Variants in CFAP73 observed in about 807,000 individuals in gnomAD.
The protein encoded by CFAP73 is cilia and flagella associated protein 73, also known as cilia- and flagella-associated protein 73.
A neutral mutation model predicts 42.9 loss-of-function variants in CFAP73; 33 were observed. That is an observed-to-expected ratio of 0.77 (90% CI 0.58 to 1.03). CFAP73 has a LOEUF of 1.03. Ranked by LOEUF, CFAP73 falls within the 50% of genes least tolerant of loss-of-function variation. The pLI is 0.00. For missense variants in CFAP73, 392 were observed against 411.9 expected (o/e 0.95, Z 0.42); for synonymous variants, 162 against 186.8 (o/e 0.87, Z 1.08).
chr12:113,153,518 T>C, intron 4 of CFAP73, 110 bp downstream of exon 4: 1 of 861,574 alleles, frequency 1.2e-6, no homozygotes, highest in Non-Finnish European at 1.6e-6. Context: ...CTGGAGATCT[T>C]GGCATGCATG....
In CFAP73 at chr12:113,159,006, C is replaced by T; in HGVS notation, c.*317C>T. 6.2e-7 allele frequency: 1 copy of T among 1,611,752 alleles called. No homozygotes were observed. Among genetic ancestry groups the T allele is most frequent in the South Asian group, 1.1e-5 (1 of 90,708 alleles). On this transcript the variant is annotated 3_prime_UTR_variant, in exon 8 of 8. Coordinates refer to ENST00000335621, the MANE Select transcript of CFAP73 (RefSeq NM_001144872.3). ...TGAGGCCACCACGCTGCAGGAAGTG[C>T]AGCTTCTGGGCCCGGCGCCGCTGCT... is the stretch of plus-strand genomic sequence containing the variant.
chr12:113,158,917 C>G lies in CFAP73; in HGVS notation c.*228C>G. The G allele has an allele frequency of 6.2e-7, 1 of 1,608,664 alleles. No individual in the cohort carries two copies. The highest frequency in any genetic ancestry group is 8.5e-7 in the Non-Finnish European group (1 of 1,176,234). Reference sequence around the variant, plus strand: ...CATCTTGCCCTTCTTGGAGCGGGCACCCCGGCCGAAGGCGCCCTGCTGCAG... The same window carrying G: ...CATCTTGCCCTTCTTGGAGCGGGCAGCCCGGCCGAAGGCGCCCTGCTGCAG... On this transcript the variant is annotated 3_prime_UTR_variant, in exon 8 of 8. Transcript: ENST00000335621. The surrounding 1 kb of genome is among the most constrained non-coding windows in gnomAD (Gnocchi z 4.9).
rs1479786237 is a variant in CFAP73 at position 113,158,401 on chromosome 12, G to C, written c.*12-300G>C. The C allele has an allele frequency of 6.5e-6, 1 of 154,768 alleles. No individual in the cohort carries two copies. Among genetic ancestry groups the C allele is most frequent in the Non-Finnish European group, 1.4e-5 (1 of 69,956 alleles). The allele number at this position is 154,768 out of a possible 1,614,324, so 9.6% of individuals were successfully genotyped here. ...AAGGCAGCAGAACTCACCCTCAGGA[G>C]ACCCGCAACTCCTCTGCCACGTTAG... On this transcript the variant is annotated intron_variant, in intron 7 of 7. Transcript: ENST00000335621. This position sits in a 1 kb window ranked among gnomAD's most constrained non-coding sequence, Gnocchi z 4.9.
chr12:113,154,447 G>T lies in CFAP73; in HGVS notation c.502G>T (p.Asp168Tyr). The T allele has an allele frequency of 3.9e-6, 6 of 1,547,306 alleles. No homozygotes were observed. The highest frequency in any genetic ancestry group is 1.7e-4 in the Middle Eastern group (1 of 5,892). The change falls in exon 5 of 8, where the codon GAC becomes TAC. Residue 168 changes from aspartate to tyrosine, a missense_variant. By Grantham distance (160) the Asp-to-Tyr change is radical. Coordinates refer to ENST00000335621, the MANE Select transcript of CFAP73 (RefSeq NM_001144872.3). This position sits in a 1 kb window ranked among gnomAD's most constrained non-coding sequence, Gnocchi z 4.7. Reference sequence around the variant, plus strand: ...GGTTCCGGAGCTGGTGGCGCGCTTCGACGGCCTGGCCGAGACGCAGGCGGC... The same window carrying T: ...GGTTCCGGAGCTGGTGGCGCGCTTCTACGGCCTGGCCGAGACGCAGGCGGC... ...QEVPELVARF[D>Y]GLAETQAALR...
chr12:113,155,201 A>G, intron 5 of CFAP73, 59 bp from the exon 6 acceptor site: 3 of 1,379,946 alleles, frequency 2.2e-6, no homozygotes. Context: ...GGCTGGGAAG[A>G]GGGGGCAGCC....
intron 1 of CFAP73, 73 bp from the exon 2 acceptor site, chr12:113,151,845 C>T: frequency 9.3e-7 from 1 of 1,076,666 alleles, no homozygotes; most frequent in Non-Finnish European, 1.4e-6. Context: ...TGGGGCACTC[C>T]AGACACAGTG....
chr12:113,153,219 C>A lies in CFAP73; in HGVS notation c.279C>A (p.Ala93=). The change falls in exon 4 of 8, where the codon GCC becomes GCA. Residue 93 remains alanine (A), a synonymous_variant. Coordinates refer to ENST00000335621, the MANE Select transcript of CFAP73 (RefSeq NM_001144872.3). The part of the protein sequence containing the change: ...RFDKFLQDSE[A]RRNRALRRAA... ...ACCGTACTCCCCAGGACTCCGAGGC[C>A]CGGCGCAATCGCGCGCTGCGGAGGG... The A allele has an allele frequency of 6.6e-7, 1 of 1,518,614 alleles. No individual in the cohort carries two copies. The highest frequency in any genetic ancestry group is 8.8e-7 in the Non-Finnish European group (1 of 1,139,746). 94.1% of individuals were successfully genotyped at this position (1,518,614 alleles called of 1,614,324 possible). A position where few individuals can be genotyped will look rare whatever the true frequency, so the allele number is the denominator to read the frequency against.
At chr12:113,157,722 C>G in intron 7 of CFAP73, 32 bp downstream of exon 7, 1 of 1,479,234 alleles carries the variant, frequency 6.8e-7, no homozygotes, top group South Asian at 1.2e-5. Context: ...CCCTGAGAGA[C>G]CCTGAGATAG....
Position 113,158,086 on chromosome 12 carries a change from T to C in CFAP73, c.*11+396T>C. On this transcript the variant is annotated intron_variant, in intron 7 of 7. Transcript: ENST00000335621. The surrounding 1 kb of genome is among the most constrained non-coding windows in gnomAD (Gnocchi z 4.9). ...CCAGGTGAGGGGCCCAGCCTGAGAA[T>C]CCAGCTGCTGGGGCTGCCCTTGACC... The C allele has an allele frequency of 5.3e-6, 1 of 189,596 alleles. No individual in the cohort carries two copies. Among genetic ancestry groups the C allele is most frequent in the Non-Finnish European group, 1.1e-5 (1 of 90,428 alleles). The allele number at this position is 189,596 out of a possible 1,614,324, so 11.7% of individuals were successfully genotyped here.
In CFAP73 at chr12:113,153,424, G is replaced by C; in HGVS notation, c.468+16G>C. The C allele has an allele frequency of 7.2e-7, 1 of 1,397,196 alleles. No individual in the cohort carries two copies. The highest frequency in any genetic ancestry group is 9.2e-7 in the Non-Finnish European group (1 of 1,083,558). The allele number at this position is 1,397,196 out of a possible 1,614,324, so 86.5% of individuals were successfully genotyped here. A position where few individuals can be genotyped will look rare whatever the true frequency, so the allele number is the denominator to read the frequency against. ...GCTGCCCGGGGTGAGTCCGGGGCAG[G>C]AGGCTGGGAGCTCGGCGCCACCGCG... is the stretch of plus-strand genomic sequence containing the variant. On this transcript the variant is annotated intron_variant, in intron 4 of 7. Coordinates refer to ENST00000335621, the MANE Select transcript of CFAP73 (RefSeq NM_001144872.3).
intron 1 of CFAP73, 28 bp from the exon 2 acceptor site, chr12:113,151,890 C>G: frequency 6.7e-7 from 1 of 1,496,192 alleles, no homozygotes; most frequent in Non-Finnish European, 9.1e-7. Context: ...GCTTCCTTCA[C>G]CCCCACCTCC....
chr12:113,152,880 T>G lies in CFAP73; in HGVS notation c.260T>G (p.Phe87Cys). 6.4e-7 allele frequency: 1 copy of G among 1,551,082 alleles called. No individual in the cohort carries two copies. Residue 87 changes from phenylalanine to cysteine, a missense_variant, in exon 3 of 8, where the codon TTT becomes TGT. Physicochemically the swap from Phe to Cys is radical, Grantham distance 205. Coordinates refer to ENST00000335621, the MANE Select transcript of CFAP73 (RefSeq NM_001144872.3). ...LKGSFIRFDK[F>C]LQDSEARRNR... ...GGATCGTTCATCCGCTTTGACAAGT[T>G]TTTGCAGGTAGGTGGAGCCTCCTGG...
chr12:113,158,737 G>C lies in CFAP73; in HGVS notation c.*48G>C. The C allele has an allele frequency of 1.1e-6, 1 of 912,652 alleles. No individual in the cohort carries two copies. The highest frequency in any genetic ancestry group is 1.6e-6 in the Non-Finnish European group (1 of 618,242). 56.5% of individuals were successfully genotyped at this position (912,652 alleles called of 1,614,324 possible). On this transcript the variant is annotated 3_prime_UTR_variant, in exon 8 of 8. Transcript: ENST00000335621. This position sits in a 1 kb window ranked among gnomAD's most constrained non-coding sequence, Gnocchi z 4.9. ...TGCTGCCCTTCTGTGGCCATACAGT[G>C]CTCCTTTTCACAGATGATGGCTCCT...
chr12:113,149,902 G>T lies in CFAP73; in HGVS notation c.45G>T (p.Glu15Asp), dbSNP rs753008340. ...AATATTTCCGACTGGCTTTGCAAGA[G>T]AAACTGTCTACGTGAGTGGGACGTA... is the stretch of plus-strand genomic sequence containing the variant. ...WEEYFRLALQ[E>D]KLSTKLPEQA... The change falls in exon 1 of 8, where the codon GAG becomes GAT. Residue 15 changes from glutamate (E) to aspartate (D), a missense_variant. Transcript: ENST00000335621. 2.6e-6 allele frequency: 4 copies of T among 1,551,316 alleles called. No individual in the cohort carries two copies. Among genetic ancestry groups the T allele is most frequent in the Non-Finnish European group, 3.5e-6 (4 of 1,146,746 alleles).
At chr12:113,150,684 C>A (rs1378651800) in intron 1 of CFAP73, among the ~76,000 whole-genome samples, 1 of 152,184 alleles carries the variant, frequency 6.6e-6, no homozygotes, top group African/African-American at 2.4e-5. Context: ...TGTCCTTGCT[C>A]CTCAAAGCAG....
At chr12:113,151,809 A>T (rs1952064447) in intron 1 of CFAP73, 109 bp from the exon 2 acceptor site, 2 of 695,274 alleles carry the variant, frequency 2.9e-6, no homozygotes, top group Non-Finnish European at 4.7e-6. Context: ...AAAAAAAAAA[A>T]AATTAAACAG....
intron 6 of CFAP73, 76 bp from the exon 7 acceptor site, chr12:113,157,526 T>TC: frequency 1.6e-6 from 2 of 1,238,436 alleles, no homozygotes; most frequent in South Asian, 1.3e-5. Context: ...CCTTTCGGCC[T>TC]CCCCCGCGTG....
intron 3 of CFAP73, 33 bp from the exon 4 acceptor site, chr12:113,153,175 T>A: frequency 6.8e-7 from 1 of 1,465,484 alleles, no homozygotes; most frequent in South Asian, 1.4e-5. Context: ...TCCTGAGTCC[T>A]GAAGGTCGTC....
Position 113,153,288 on chromosome 12 carries a change from G to A in CFAP73, c.348G>A (p.Ala116=), listed in dbSNP as rs776401365. The A allele has an allele frequency of 2.0e-6, 3 of 1,518,850 alleles. No individual in the cohort carries two copies. The highest frequency in any genetic ancestry group is 2.5e-5 in the East Asian group (1 of 39,410). 94.1% of individuals were successfully genotyped at this position (1,518,850 alleles called of 1,614,324 possible). The change falls in exon 4 of 8, where the codon GCG becomes GCA. Residue 116 remains alanine, a synonymous_variant. Coordinates refer to ENST00000335621, the MANE Select transcript of CFAP73 (RefSeq NM_001144872.3). ...RHQAGRREVE[A]LRLWTQLQEL... ...AGGCGGGCCGTCGGGAGGTGGAGGC[G>A]CTGCGTCTGTGGACCCAGCTCCAGG...
Sources: allele counts gnomAD v4.1 joint callset (sites outside exome capture counted in the v4.1 genomes callset), GRCh38; gene constraint gnomAD v4.1.1; non-coding constraint Gnocchi (gnomAD v3.1); transcripts MANE v1.5; gene names NCBI Gene and HGNC (gene_info 2026-07-23, HGNC 2026-07-21).